AGAP1: variants seen among roughly 807,000 people sequenced by gnomAD.
The protein encoded by AGAP1 is arf-GAP with GTPase, ANK repeat and PH domain-containing protein 1.
A neutral mutation model predicts 105.3 loss-of-function variants in AGAP1; 29 were observed. The observed-to-expected ratio is 0.28, with a 90% CI of 0.21 to 0.38. The LOEUF (loss-of-function observed/expected upper bound fraction) is 0.38, where lower values mean the gene tolerates loss of function less well. Among genes scored for constraint, AGAP1 ranks in the 10% least tolerant of loss-of-function variants. The pLI is 1.00. For missense variants in AGAP1, 998 were observed against 1,165.1 expected (o/e 0.86, Z 2.09); for synonymous variants, 509 against 485.9 (o/e 1.05, Z -0.63).
chr2:235,634,672 G>C (rs775999052), intron 1 of AGAP1, among the ~76,000 whole-genome samples: 1 of 152,180 alleles, frequency 6.6e-6, no homozygotes, highest in Non-Finnish European at 1.5e-5. Context: ...CCATTTTAGA[G>C]AGGCTTGTGT....
Position 235,930,477 on chromosome 2 carries a change from GC to G in AGAP1, c.1325-287del, listed in dbSNP as rs1380867262. ...TTTGTCTTCACTTCCACTCGATGTT[GC>G]GGTTGCGGTTGGGTTGCGTCTTTGT... On this transcript the variant is annotated intron_variant, in intron 11 of 17. Transcript: ENST00000304032. This position sits in a 1 kb window ranked among gnomAD's most constrained non-coding sequence, Gnocchi z 7.9. Among the ~76,000 whole-genome samples, 1 of 152,192 alleles carries G rather than the reference GC, an allele frequency of 6.6e-6. No homozygotes were observed. Among genetic ancestry groups the G allele is most frequent in the Non-Finnish European group, 1.5e-5 (1 of 68,044 alleles).
chr2:235,626,164 A>G (rs1035104210), intron 1 of AGAP1, among the ~76,000 whole-genome samples: 3 of 151,666 alleles, frequency 2.0e-5, no homozygotes, highest in African/African-American at 4.9e-5. Context: ...CCTGGCCAAC[A>G]TGACGAAACC....
intron 6 of AGAP1, among the ~76,000 whole-genome samples, chr2:235,774,151 C>G (rs1955676206): frequency 6.6e-6 from 1 of 152,208 alleles, no homozygotes; most frequent in South Asian, 2.1e-4. Context: ...GAAAATTCAA[C>G]TCATAAATAA....
In AGAP1 at chr2:235,753,352, T is replaced by C. The variant is rs1424426237; in HGVS notation, c.673+2864T>C. Among the ~76,000 whole-genome samples, 1 of 152,238 alleles carries C rather than the reference T, an allele frequency of 6.6e-6. No homozygotes were observed. Among genetic ancestry groups the C allele is most frequent in the East Asian group, 1.9e-4 (1 of 5,196 alleles). ...ATGCTGTGATGAGTGTCCGTTTTCA[T>C]GGGCACAGGAGATTTCCGTTCCAGT... On this transcript the variant is annotated intron_variant, in intron 6 of 17. Coordinates refer to ENST00000304032, the MANE Select transcript of AGAP1 (RefSeq NM_001037131.3). The surrounding 1 kb of genome is among the most constrained non-coding windows in gnomAD (Gnocchi z 4.5).
At chr2:235,539,995 A>G (rs575603659) in intron 1 of AGAP1, among the ~76,000 whole-genome samples, 2 of 152,134 alleles carry the variant, frequency 1.3e-5, no homozygotes, top group South Asian at 4.2e-4. Context: ...GGACCGCCCC[A>G]TCCCTCCCAG....
At chr2:235,852,664 T>G in intron 9 of AGAP1, 4 of 1,435,264 alleles carry the variant, frequency 2.8e-6, no homozygotes, top group Non-Finnish European at 3.7e-6. Context: ...AAGAATTTTT[T>G]TTATCTCCTT....
chr2:235,597,646 T>C (rs1019481135), intron 1 of AGAP1, among the ~76,000 whole-genome samples: 1 of 152,220 alleles, frequency 6.6e-6, no homozygotes. Context: ...ATGGATTTGT[T>C]CTAACGTTGG....
intron 9 of AGAP1, among the ~76,000 whole-genome samples, chr2:235,870,759 G>C (rs190079794): frequency 6.6e-6 from 1 of 152,164 alleles, no homozygotes; most frequent in East Asian, 1.9e-4. Flanking sequence ...TTCTCCCCAG[G>C]AGGCATCCTC....
rs1439799374 is a variant in AGAP1 at position 235,558,913 on chromosome 2, A to G, written c.163+64064A>G. Among the ~76,000 whole-genome samples the G allele has an allele frequency of 6.6e-5, 10 of 152,100 alleles. No individual in the cohort carries two copies. In the East Asian group the frequency reaches 1.9e-3, roughly 29 times the overall value. On this transcript the variant is annotated intron_variant, in intron 1 of 17. Transcript: ENST00000304032. The stretch of plus-strand genomic sequence containing the variant: ...TTCTTAATAAGGAAAAAAAAAGTTC[A>G]TTACACGTCATTGAAGATTTTTTTT...
At chr2:235,956,975 A>G (rs895396321) in intron 12 of AGAP1, among the ~76,000 whole-genome samples, 3 of 152,238 alleles carry the variant, frequency 2.0e-5, no homozygotes, top group Admixed American at 1.3e-4. Context: ...CATTTAATAC[A>G]ACGACCTCTC....
rs184058856 is a variant in AGAP1 at position 236,069,355 on chromosome 2, G to A, written c.2114+20074G>A. 2.6e-3 allele frequency among the ~76,000 whole-genome samples: 392 copies of A among 152,182 alleles called. 2 individuals are homozygous for A. Among genetic ancestry groups the A allele is most frequent in the African/African-American group, 8.8e-3 (366 of 41,518 alleles). ...TATAATGTAATGAATTATATATAAT[G>A]TATAAATTTTACATGGTAAGTATAT... On this transcript the variant is annotated intron_variant, in intron 16 of 17. Coordinates refer to ENST00000304032, the MANE Select transcript of AGAP1 (RefSeq NM_001037131.3).
In AGAP1 at chr2:235,988,740, TCTCAGATTGCAC is replaced by T. The variant is rs1388640761; in HGVS notation, c.1645+20118_1645+20129del. The stretch of plus-strand genomic sequence containing the variant: ...CGACTCCACTCTGGCCAAGACGAGC[TCTCAGATTGCAC>T]TTCAGAATCGGTGATGCGCACTCAT... On this transcript the variant is annotated intron_variant, in intron 13 of 17. Transcript: ENST00000304032. The surrounding 1 kb of genome is among the most constrained non-coding windows in gnomAD (Gnocchi z 4.7). Among the ~76,000 whole-genome samples, 1 of 152,158 alleles carries T rather than the reference TCTCAGATTGCAC, an allele frequency of 6.6e-6. No homozygotes were observed. The highest frequency in any genetic ancestry group is 2.4e-5 in the African/African-American group (1 of 41,442).
rs575214987 is a variant in AGAP1 at position 235,584,825 on chromosome 2, TG to T, written c.163+89977del. On this transcript the variant is annotated intron_variant, in intron 1 of 17. Coordinates refer to ENST00000304032, the MANE Select transcript of AGAP1 (RefSeq NM_001037131.3). ...CCCTCTCCCATTGCCACGTGGTCTC[TG>T]CTTTTATTCGTTTTCTCAGCGGAAA... Among the ~76,000 whole-genome samples, 23 of 151,840 alleles carry T rather than the reference TG, an allele frequency of 1.5e-4. 1 individual carries two copies. In the South Asian group the frequency reaches 4.8e-3, roughly 32 times the overall value.
chr2:235,880,302 A>G (rs1394020929), intron 9 of AGAP1, among the ~76,000 whole-genome samples: 1 of 152,014 alleles, frequency 6.6e-6, no homozygotes, highest in South Asian at 2.1e-4. Flanking sequence ...GTGCAAATCC[A>G]TCCGCGTGGA....
Position 235,904,333 on chromosome 2 carries a change from G to T in AGAP1, c.1156-4405G>T, listed in dbSNP as rs548688963. On this transcript the variant is annotated intron_variant, in intron 10 of 17. Transcript: ENST00000304032. The surrounding 1 kb of genome is among the most constrained non-coding windows in gnomAD (Gnocchi z 4.2). ...CGGAAACAGGTCCCTTTGCTCTGGC[G>T]CCTGCTTGGAAAAAATAAGCCGCAT... Among the ~76,000 whole-genome samples, 1 of 152,048 alleles carries T rather than the reference G, an allele frequency of 6.6e-6. No homozygotes were observed. The highest frequency in any genetic ancestry group is 1.5e-5 in the Non-Finnish European group (1 of 68,012).
intron 1 of AGAP1, among the ~76,000 whole-genome samples, chr2:235,520,652 T>C (rs1014664229): frequency 2.0e-5 from 3 of 152,200 alleles, no homozygotes; most frequent in African/African-American, 7.2e-5. Context: ...GATTTTATAA[T>C]TCTCTCATTA....
chr2:235,670,112 G>A, intron 1 of AGAP1: 1 of 538,678 alleles, frequency 1.9e-6, no homozygotes, highest in South Asian at 2.1e-5. Flanking sequence ...GTACTTGTTG[G>A]ACGGCAGTGG....
chr2:236,049,276 C>T lies in AGAP1; in HGVS notation c.2109C>T (p.Ser703=), dbSNP rs1183124810. 2 of 1,613,246 alleles carry T rather than the reference C, an allele frequency of 1.2e-6. No homozygotes were observed. The highest frequency in any genetic ancestry group is 2.7e-5 in the African/African-American group (2 of 74,904). The change falls in exon 16 of 18, where the codon TCC becomes TCT. Residue 703 remains serine (S), a synonymous_variant. Coordinates refer to ENST00000304032, the MANE Select transcript of AGAP1 (RefSeq NM_001037131.3). ...SQGRTKPSVD[S]TREEKERWIR... is the part of the protein sequence containing the mutation. ...GGCGGACGAAACCATCGGTAGACTC[C>T]ACAAGGTAGGAACTTTGGAAGATGC...
intron 6 of AGAP1, among the ~76,000 whole-genome samples, chr2:235,791,544 A>G (rs1195768207): frequency 6.6e-6 from 1 of 151,396 alleles, no homozygotes; most frequent in East Asian, 1.9e-4. Flanking sequence ...CGTTGATTTG[A>G]TTTGATTTTT....
Sources: gnomAD v4.1 joint callset for allele counts (sites outside exome capture counted in the v4.1 genomes callset) on GRCh38, gnomAD v4.1.1 for gene constraint, Gnocchi (gnomAD v3.1) non-coding constraint, MANE v1.5 for transcripts, NCBI Gene and HGNC (gene_info 2026-07-23, HGNC 2026-07-21) for gene names.